Variants in SLC38A12 observed in about 807,000 individuals in gnomAD.
The protein encoded by SLC38A12 is solute carrier family 38 member 12.
chr17:74,838,267 C>A, the SLC38A12 span: 1 of 985,794 alleles, frequency 1.0e-6, no homozygotes, highest in Non-Finnish European at 1.2e-6. Flanking sequence ...AACAAATGCC[C>A]CTTCTCCATC....
chr17:74,825,947 A>G, the SLC38A12 span, among the ~76,000 whole-genome samples: 1 of 152,132 alleles, frequency 6.6e-6, no homozygotes, highest in Non-Finnish European at 1.5e-5. Context: ...GCTCGGTGCC[A>G]CCTTTCATCT....
chr17:74,830,576 G>A, the SLC38A12 span, among the ~76,000 whole-genome samples: 2 of 152,204 alleles, frequency 1.3e-5, no homozygotes, highest in Admixed American at 6.5e-5. Context: ...CTCCCTGACC[G>A]CCACGCTTGA....
the SLC38A12 span, chr17:74,790,150 C>A: frequency 6.7e-7 from 1 of 1,488,778 alleles, no homozygotes. Flanking sequence ...GTGCTCCTTT[C>A]TTTTCCCTTG....
the SLC38A12 span, among the ~76,000 whole-genome samples, chr17:74,789,356 C>A: frequency 6.6e-6 from 1 of 151,812 alleles, no homozygotes. Flanking sequence ...ATGGTGAAAC[C>A]TCATCTCTAC....
chr17:74,797,455 C>A, the SLC38A12 span, among the ~76,000 whole-genome samples: 1 of 152,218 alleles, frequency 6.6e-6, no homozygotes, highest in Non-Finnish European at 1.5e-5. Context: ...CCCACGAGAG[C>A]CTTTTCTTTC....
chr17:74,812,778 C>T, the SLC38A12 span, among the ~76,000 whole-genome samples: 6 of 152,130 alleles, frequency 3.9e-5, no homozygotes, highest in Non-Finnish European at 7.3e-5. Context: ...TGCTGCTGTA[C>T]GAGAAGTGCC....
chr17:74,816,628 C>G, the SLC38A12 span, among the ~76,000 whole-genome samples: 1 of 152,210 alleles, frequency 6.6e-6, no homozygotes, highest in South Asian at 2.1e-4. Context: ...GACTTTATTC[C>G]CCATGACCAG....
chr17:74,777,615 T>C, the SLC38A12 span: 1 of 1,480,198 alleles, frequency 6.8e-7, no homozygotes, highest in African/African-American at 1.4e-5. Flanking sequence ...AAAATCGCCA[T>C]GCTGTTTATA....
the SLC38A12 span, among the ~76,000 whole-genome samples, chr17:74,817,929 G>A: frequency 1.3e-5 from 2 of 152,082 alleles, no homozygotes; most frequent in Non-Finnish European, 2.9e-5. Flanking sequence ...CCAAACACCC[G>A]GGCACACCAG....
chr17:74,816,593 T>G, the SLC38A12 span, among the ~76,000 whole-genome samples: 2 of 152,246 alleles, frequency 1.3e-5, no homozygotes, highest in African/African-American at 4.8e-5. Context: ...AACAGACCCA[T>G]TTGTACTCTC....
chr17:74,791,671 G>GC, the SLC38A12 span, among the ~76,000 whole-genome samples: 3 of 152,244 alleles, frequency 2.0e-5, no homozygotes, highest in Non-Finnish European at 4.4e-5. Context: ...GGCGCTAGGA[G>GC]CCCACACCCA....
the SLC38A12 span, among the ~76,000 whole-genome samples, chr17:74,830,277 G>T: frequency 6.6e-6 from 1 of 152,252 alleles, no homozygotes; most frequent in South Asian, 2.1e-4. Context: ...CAGGAGGGCA[G>T]GGATATTCTG....
chr17:74,800,015 A>G, the SLC38A12 span, among the ~76,000 whole-genome samples: 1 of 152,168 alleles, frequency 6.6e-6, no homozygotes, highest in Non-Finnish European at 1.5e-5. Flanking sequence ...GCGTCATCCC[A>G]TTTCACAGCA....
At chr17:74,795,685 G>A in the SLC38A12 span, 1 of 1,451,618 alleles carries the variant, frequency 6.9e-7, no homozygotes, top group East Asian at 2.3e-5. Flanking sequence ...GCACAGCTGA[G>A]GGCATTTGAA....
the SLC38A12 span, among the ~76,000 whole-genome samples, chr17:74,832,526 C>T: frequency 6.6e-6 from 1 of 152,266 alleles, no homozygotes; most frequent in African/African-American, 2.4e-5. Context: ...GGATATGCTC[C>T]TCACCATGGC....
At chr17:74,830,386 C>T in the SLC38A12 span, among the ~76,000 whole-genome samples, 1 of 152,354 alleles carries the variant, frequency 6.6e-6, no homozygotes, top group South Asian at 2.1e-4. Flanking sequence ...CTGTCCTCCT[C>T]CCTGCCAAGG....
the SLC38A12 span, among the ~76,000 whole-genome samples, chr17:74,799,464 CGG>C: frequency 1.3e-5 from 2 of 152,218 alleles, no homozygotes; most frequent in Admixed American, 1.3e-4. Context: ...GATCCACCTC[CGG>C]GGCACAGGTG....
the SLC38A12 span, chr17:74,790,841 G>A: frequency 1.1e-5 from 9 of 811,168 alleles, 1 homozygote; most frequent in South Asian, 5.2e-5. Flanking sequence ...AAGTTTTCTC[G>A]AGTTTGGACA....
At chr17:74,839,397 T>A in the SLC38A12 span, 1 of 383,002 alleles carries the variant, frequency 2.6e-6, no homozygotes, top group African/African-American at 2.0e-5. Context: ...GTGCCAGGCC[T>A]GGGGGAAGTG....
Sources: allele counts gnomAD v4.1 joint callset (sites outside exome capture counted in the v4.1 genomes callset), GRCh38; gene constraint gnomAD v4.1.1; transcripts MANE v1.5; gene names NCBI Gene and HGNC (gene_info 2026-07-23, HGNC 2026-07-21).